Variants in DNAJC1 observed in about 807,000 individuals in gnomAD.
The protein encoded by DNAJC1 is dnaJ homolog subfamily C member 1.
A neutral mutation model predicts 76.6 loss-of-function variants in DNAJC1; 58 were observed. The ratio of observed to expected loss-of-function variants is 0.76; its 90% CI spans 0.61 to 0.94. DNAJC1 has a LOEUF of 0.94. Ranked by LOEUF, DNAJC1 falls within the 40% of genes least tolerant of loss-of-function variation. DNAJC1 has a pLI of 0.00. For missense variants in DNAJC1, 689 were observed against 677.3 expected, an observed-to-expected ratio of 1.02 and a Z score of -0.19; for synonymous variants, 258 against 267.9, an observed-to-expected ratio of 0.96 and a Z score of 0.36.
At chr10:21,760,758 A>G (rs948660178) in intron 10 of DNAJC1, among the ~76,000 whole-genome samples, 15 of 152,376 alleles carry the variant, frequency 9.8e-5, no homozygotes, top group Non-Finnish European at 1.9e-4. Context: ...GCCTTTTTAA[A>G]GAACAATTTG....
At position 21,984,298 on chromosome 10, in the gene DNAJC1, A is replaced by C. The variant is rs1221958704; in HGVS notation, c.222+18915T>G. Among the ~76,000 whole-genome samples the C allele has an allele frequency of 2.0e-5, 3 of 152,210 alleles. No individual in the cohort carries two copies. In the East Asian group the frequency reaches 5.8e-4, roughly 29 times the overall value. On this transcript the variant is annotated intron_variant, in intron 1 of 11. Transcript: ENST00000376980. The stretch of plus-strand genomic sequence containing the variant: ...AATGATAGAAGTCTATTTTTCTCTT[A>C]CATACAAGAAGAATAGAAGTAAAGC...
Position 21,759,182 on chromosome 10 carries a change from CG to C in DNAJC1, c.1583del (p.Pro528ArgfsTer33), listed in dbSNP as rs1182899382. The part of the protein sequence containing the change: ...DRWDKIARCV[P>X]SKSKEDCIAR... ...CCCCATCACTCACCTTGCTCTTGGACGGGACACATCTGGCTATTTTGTCCCA... is the reference window on the plus strand; with the variant it reads ...CCCCATCACTCACCTTGCTCTTGGACGGACACATCTGGCTATTTTGTCCCA... On this transcript the variant is annotated frameshift_variant, in exon 11 of 12. Transcript: ENST00000376980. LOFTEE classifies it high-confidence loss of function. 1.2e-6 allele frequency: 2 copies of C among 1,612,992 alleles called. No individual in the cohort carries two copies. Among genetic ancestry groups the C allele is most frequent in the Non-Finnish European group, 1.7e-6 (2 of 1,179,472 alleles).
At chr10:21,837,897 CGCCCCGTCCGGGAGGGAGGTGGCGGGCA>C (rs1835495093) in intron 8 of DNAJC1, among the ~76,000 whole-genome samples, 1 of 122,926 alleles carries the variant, frequency 8.1e-6, no homozygotes, top group South Asian at 2.6e-4. Flanking sequence ...CCCGGCCAGC[CGCCCCGTCCGGGAGGGAGGTGGCGGGCA>C]GCCCCCGCCC....
chr10:21,914,834 C>T (rs965317233), intron 6 of DNAJC1, among the ~76,000 whole-genome samples: 14 of 152,178 alleles, frequency 9.2e-5, no homozygotes, highest in Non-Finnish European at 1.6e-4. Flanking sequence ...GTCTATTCAT[C>T]TTTCAATACT....
chr10:21,798,107 A>G (rs1022869300), intron 9 of DNAJC1, among the ~76,000 whole-genome samples: 1 of 152,218 alleles, frequency 6.6e-6, no homozygotes, highest in South Asian at 2.1e-4. Flanking sequence ...TTCCGCTCAC[A>G]GTTCTTCTGA....
intron 8 of DNAJC1, among the ~76,000 whole-genome samples, chr10:21,806,644 A>G (rs796223910): frequency 1.3e-5 from 2 of 152,300 alleles, no homozygotes; most frequent in African/African-American, 4.8e-5. Context: ...CATTCTATGT[A>G]ACGATATTCA....
chr10:21,920,725 T>C (rs1837028399), intron 4 of DNAJC1, 73 bp downstream of exon 4: 2 of 1,410,180 alleles, frequency 1.4e-6, no homozygotes, highest in Non-Finnish European at 1.9e-6. Flanking sequence ...TTTTCATCAG[T>C]TGAAAAATAA....
At chr10:21,797,160 C>A (rs1161895671) in intron 9 of DNAJC1, among the ~76,000 whole-genome samples, 1 of 151,982 alleles carries the variant, frequency 6.6e-6, no homozygotes, top group Non-Finnish European at 1.5e-5. Context: ...CATTCTTTTG[C>A]ATGTGGACAT....
intron 7 of DNAJC1, among the ~76,000 whole-genome samples, chr10:21,893,983 T>C (rs1477591236): frequency 3.3e-5 from 5 of 152,064 alleles, no homozygotes; most frequent in African/African-American, 9.7e-5. Context: ...ACAGGGCATG[T>C]AGACATCAAA....
At position 21,976,884 on chromosome 10, in the gene DNAJC1, C is replaced by A. The variant is rs186296270; in HGVS notation, c.222+26329G>T. ...CCTTTCTCTAAGTCTTCTTGAATGCCGCCGGCCCACCCACTAGGCTCCCCT... is the reference window on the plus strand; with the variant it reads ...CCTTTCTCTAAGTCTTCTTGAATGCAGCCGGCCCACCCACTAGGCTCCCCT... On this transcript the variant is annotated intron_variant, in intron 1 of 11. Transcript: ENST00000376980. Among the ~76,000 whole-genome samples the A allele has an allele frequency of 5.9e-5, 9 of 152,188 alleles. No individual in the cohort carries two copies. In the East Asian group the frequency reaches 7.7e-4, roughly 13 times the overall value.
At chr10:21,814,677 C>T (rs763063948) in intron 8 of DNAJC1, among the ~76,000 whole-genome samples, 1 of 152,104 alleles carries the variant, frequency 6.6e-6, no homozygotes, top group Non-Finnish European at 1.5e-5. Flanking sequence ...GTGCTTTCAT[C>T]CTTTCAGGGA....
intron 9 of DNAJC1, among the ~76,000 whole-genome samples, chr10:21,766,982 A>AT (rs1834308367): frequency 1.3e-5 from 2 of 152,016 alleles, no homozygotes; most frequent in African/African-American, 4.8e-5. Flanking sequence ...AAAAAAAAAA[A>AT]AAAAAAAAGA....
At chr10:21,818,289 G>T (rs1413001812) in intron 8 of DNAJC1, among the ~76,000 whole-genome samples, 1 of 152,114 alleles carries the variant, frequency 6.6e-6, no homozygotes, top group Non-Finnish European at 1.5e-5. Flanking sequence ...GCGCTCCCAG[G>T]CTTATCAGGA....
chr10:21,764,687 T>C (rs1386118646), intron 10 of DNAJC1, among the ~76,000 whole-genome samples: 1 of 152,238 alleles, frequency 6.6e-6, no homozygotes, highest in East Asian at 1.9e-4. Context: ...TTTGTGAACA[T>C]AATCAGAAGA....
intron 1 of DNAJC1, among the ~76,000 whole-genome samples, chr10:21,964,144 T>TA (rs1837848131): frequency 6.6e-6 from 1 of 152,234 alleles, no homozygotes; most frequent in South Asian, 2.1e-4. Flanking sequence ...CTGAAAAATA[T>TA]AAAAACCTTA....
intron 1 of DNAJC1, among the ~76,000 whole-genome samples, chr10:21,975,653 C>G (rs993995): frequency 0.92 from 135,874 of 148,204 alleles, 61,832 homozygotes; most frequent in South Asian, 0.95. Context: ...TACTTACTGT[C>G]CCTCTGTTAG....
At chr10:21,829,554 G>A (rs958445377) in intron 8 of DNAJC1, among the ~76,000 whole-genome samples, 2 of 152,088 alleles carry the variant, frequency 1.3e-5, no homozygotes, top group African/African-American at 4.8e-5. Flanking sequence ...ATTAAACCAT[G>A]TTGGCCAGGC....
In DNAJC1 at chr10:21,877,083, T is replaced by A. The variant is rs568992568; in HGVS notation, c.978+5199A>T. On this transcript the variant is annotated intron_variant, in intron 8 of 11. Coordinates refer to ENST00000376980, the MANE Select transcript of DNAJC1 (RefSeq NM_022365.4). ...TAAGCCCAGGAGGTTGGACCAGACT[T>A]GGCAGCACAGGGAGACCCAAACTCT... is the stretch of plus-strand genomic sequence containing the variant. 4.6e-5 allele frequency among the ~76,000 whole-genome samples: 7 copies of A among 152,086 alleles called. No homozygotes were observed. In the East Asian group the frequency reaches 1.4e-3, roughly 29 times the overall value.
At chr10:21,949,290 A>G (rs1032167047) in intron 1 of DNAJC1, among the ~76,000 whole-genome samples, 26 of 151,996 alleles carry the variant, frequency 1.7e-4, no homozygotes, top group African/African-American at 6.3e-4. Context: ...TCTGCTTTTA[A>G]CCAATTGGAT....
Sources: allele counts gnomAD v4.1 joint callset (sites outside exome capture counted in the v4.1 genomes callset), GRCh38; gene constraint gnomAD v4.1.1; transcripts MANE v1.5; gene names NCBI Gene and HGNC (gene_info 2026-07-23, HGNC 2026-07-21).